Variants in ZNF697 observed in about 807,000 individuals in gnomAD.
ZNF697 encodes the protein zinc finger protein 697.
A neutral mutation model predicts 32.4 loss-of-function variants in ZNF697; 23 were observed. The ratio of observed to expected loss-of-function variants is 0.71; its 90% CI spans 0.51 to 1.01. The LOEUF is 1.01. Among genes scored for constraint, ZNF697 ranks in the 50% least tolerant of loss-of-function variants. The probability of loss-of-function intolerance (pLI) is 0.00; values close to 1 mark genes in which losing one functional copy is unlikely to be tolerated. For missense variants in ZNF697, 930 were observed against 794.0 expected (o/e 1.17, Z -2.06); for synonymous variants, 418 against 337.2 (o/e 1.24, Z -2.62).
At chr1:119,625,826 G>A (rs1188813727) in intron 2 of ZNF697, 49 bp downstream of exon 2, 12 of 1,600,288 alleles carry the variant, frequency 7.5e-6, no homozygotes, top group Admixed American at 1.7e-5. Flanking sequence ...GGAGCTAGAA[G>A]TAAGTGTAAC....
At chr1:119,645,873 A>AT (rs1007254806) in intron 1 of ZNF697, among the ~76,000 whole-genome samples, 2 of 152,086 alleles carry the variant, frequency 1.3e-5, no homozygotes, top group African/African-American at 4.8e-5. Flanking sequence ...CACTGTAGCT[A>AT]TTTTTTTCTT....
At position 119,648,001 on chromosome 1, in the gene ZNF697, C is replaced by T. The variant is rs906588270; in HGVS notation, c.-348G>A. On this transcript the variant is annotated 5_prime_UTR_variant, in exon 1 of 3. Transcript: ENST00000421812. ...TCGAACACACACCCCATCCCCGCAG[C>T]GGTCGGGTCTGGTCCCGATCAGCCC... is the stretch of plus-strand genomic sequence containing the variant. Among the ~76,000 whole-genome samples, 2 of 152,196 alleles carry T rather than the reference C, an allele frequency of 1.3e-5. No individual in the cohort carries two copies. Among genetic ancestry groups the T allele is most frequent in the Admixed American group, 1.3e-4 (2 of 15,284 alleles).
intron 2 of ZNF697, among the ~76,000 whole-genome samples, chr1:119,625,122 A>G (rs1648537284): frequency 1.3e-5 from 2 of 151,958 alleles, no homozygotes; most frequent in East Asian, 1.9e-4. Context: ...AGTTGCTGAG[A>G]TGTGAAAGGC....
chr1:119,641,063 A>G (rs1228119166), intron 1 of ZNF697, among the ~76,000 whole-genome samples: 2 of 152,246 alleles, frequency 1.3e-5, no homozygotes, highest in African/African-American at 4.8e-5. Context: ...AGTAAAGATT[A>G]CATGCCATAC....
intron 1 of ZNF697, among the ~76,000 whole-genome samples, chr1:119,639,495 C>G (rs587728887): frequency 2.0e-5 from 3 of 152,268 alleles, no homozygotes; most frequent in South Asian, 2.1e-4. Context: ...AGAAGGCACC[C>G]TGTTTTCCCT....
At chr1:119,642,092 T>A (rs912993999) in intron 1 of ZNF697, among the ~76,000 whole-genome samples, 1 of 152,144 alleles carries the variant, frequency 6.6e-6, no homozygotes, top group African/African-American at 2.4e-5. Context: ...TTAAAACGTA[T>A]ACTACTAAAT....
chr1:119,627,329 G>A (rs1264716723), intron 1 of ZNF697, among the ~76,000 whole-genome samples: 1 of 152,196 alleles, frequency 6.6e-6, no homozygotes, highest in Non-Finnish European at 1.5e-5. Flanking sequence ...TGGAGTTCCA[G>A]GCAGCGCAAG....
chr1:119,627,450 T>C, intron 1 of ZNF697, among the ~76,000 whole-genome samples: 1 of 152,188 alleles, frequency 6.6e-6, no homozygotes, highest in East Asian at 1.9e-4. Flanking sequence ...ACTTAACCTT[T>C]CTCACAGGGA....
intron 2 of ZNF697, among the ~76,000 whole-genome samples, chr1:119,625,214 G>A (rs193091513): frequency 6.6e-6 from 1 of 152,250 alleles, no homozygotes; most frequent in African/African-American, 2.4e-5. Flanking sequence ...ACAGGGGAAG[G>A]AATGTAACCT....
At position 119,623,098 on chromosome 1, in the gene ZNF697, G is replaced by A. The variant is rs762816915; in HGVS notation, c.1245C>T (p.Gly415=). 3.2e-6 allele frequency: 5 copies of A among 1,587,256 alleles called. No homozygotes were observed. The Admixed American group carries it at 7.1e-5, about 23-fold the overall frequency. The change falls in exon 3 of 3, where the codon GGC becomes GGT. Residue 415 remains glycine (G), a synonymous_variant. Transcript: ENST00000421812. ...GEKPYMCSEC[G]ETFSVSSHLF... ...GGTGCGAGCTGACGCTGAAGGTCTC[G>A]CCGCACTCGGAGCACATGTAGGGCT...
intron 2 of ZNF697, among the ~76,000 whole-genome samples, chr1:119,625,162 G>A (rs1648538752): frequency 1.3e-5 from 2 of 152,092 alleles, no homozygotes; most frequent in Non-Finnish European, 2.9e-5. Flanking sequence ...ACATGCTTCT[G>A]TGCACTGCGG....
intron 1 of ZNF697, among the ~76,000 whole-genome samples, chr1:119,632,208 G>A (rs1648799505): frequency 1.3e-5 from 2 of 152,214 alleles, no homozygotes; most frequent in Non-Finnish European, 2.9e-5. Flanking sequence ...CCTCTACTGA[G>A]CAAGGGGTAA....
chr1:119,623,222 A>C lies in ZNF697; in HGVS notation c.1121T>G (p.Ile374Ser). Reference protein sequence around the residue: ...RRSHLANHQRIHTGEKPHGCG... With the variant: ...RRSHLANHQRSHTGEKPHGCG... Reference sequence around the variant, plus strand: ...GCCGTGCGGCTTCTCGCCCGTGTGGATGCGCTGGTGGTTGGCCAGGTGCGA... The same window carrying C: ...GCCGTGCGGCTTCTCGCCCGTGTGGCTGCGCTGGTGGTTGGCCAGGTGCGA... The change falls in exon 3 of 3, where the codon ATC becomes AGC. Residue 374 changes from isoleucine to serine, a missense_variant. Ile to Ser is a moderately radical substitution (Grantham distance 142). Coordinates refer to ENST00000421812, the MANE Select transcript of ZNF697 (RefSeq NM_001080470.2). 1 of 1,572,762 alleles carries C rather than the reference A, an allele frequency of 6.4e-7. No homozygotes were observed. Among genetic ancestry groups the C allele is most frequent in the Non-Finnish European group, 8.6e-7 (1 of 1,160,134 alleles).
chr1:119,637,537 A>T (rs1557940471), intron 1 of ZNF697, among the ~76,000 whole-genome samples: 1 of 152,218 alleles, frequency 6.6e-6, no homozygotes, highest in Non-Finnish European at 1.5e-5. Context: ...TTTTAGGTAC[A>T]ATCTCCCTTG....
At chr1:119,626,553 A>G (rs1648596982) in intron 1 of ZNF697, among the ~76,000 whole-genome samples, 1 of 152,246 alleles carries the variant, frequency 6.6e-6, no homozygotes, top group Non-Finnish European at 1.5e-5. Flanking sequence ...GGGCTGCCTC[A>G]AAGTTCCATG....
intron 1 of ZNF697, among the ~76,000 whole-genome samples, chr1:119,629,908 G>T (rs1238425791): frequency 1.3e-5 from 2 of 152,194 alleles, no homozygotes; most frequent in African/African-American, 4.8e-5. Flanking sequence ...AGGGAGAAAG[G>T]TTTAATTCCA....
chr1:119,628,655 A>G (rs587627162), intron 1 of ZNF697, among the ~76,000 whole-genome samples: 8 of 152,308 alleles, frequency 5.3e-5, no homozygotes, highest in Non-Finnish European at 7.3e-5. Context: ...CAACTACTCA[A>G]ATTTGTTTTA....
In ZNF697 at chr1:119,620,733, G is replaced by T. The variant is rs1455549102; in HGVS notation, c.*1972C>A. 6.6e-6 allele frequency: 1 copy of T among 152,598 alleles called. No homozygotes were observed. The highest frequency in any genetic ancestry group is 1.5e-5 in the Non-Finnish European group (1 of 68,028). 9.5% of individuals were successfully genotyped at this position (152,598 alleles called of 1,614,324 possible). ...GATCAACAGGCATTATACAAGCCCA[G>T]AATTATCAGGATTTTTAAGTGTTTT... On this transcript the variant is annotated 3_prime_UTR_variant, in exon 3 of 3. Transcript: ENST00000421812.
chr1:119,639,333 T>C (rs1649003829), intron 1 of ZNF697, among the ~76,000 whole-genome samples: 2 of 152,336 alleles, frequency 1.3e-5, no homozygotes, highest in East Asian at 3.9e-4. Context: ...TCTTAAAATG[T>C]TGTCACTTTA....
Sources: gnomAD v4.1 joint callset for allele counts (sites outside exome capture counted in the v4.1 genomes callset) on GRCh38, gnomAD v4.1.1 for gene constraint, MANE v1.5 for transcripts, NCBI Gene and HGNC (gene_info 2026-07-23, HGNC 2026-07-21) for gene names.